The following IFT140 variants were observed in gnomAD, a reference collection of about 807,000 sequenced individuals.
The protein encoded by IFT140 is intraflagellar transport protein 140 homolog.
IFT140 carries 133 observed loss-of-function variants against 164.6 expected under a neutral mutation model. The observed-to-expected ratio is 0.81, with a 90% confidence interval of 0.70 to 0.93. The LOEUF (loss-of-function observed/expected upper bound fraction) is 0.93, where lower values mean the gene tolerates loss of function less well. IFT140 is among the 40% of genes least tolerant of loss of function. The pLI, the probability that IFT140 is intolerant of heterozygous loss-of-function variation, is 0.00. For synonymous variants in IFT140, 860 were observed against 817.3 expected (o/e 1.05, Z -0.89); for missense variants, 2,045 against 1,972.3 (o/e 1.04, Z -0.70).
intron 4 of IFT140, among the ~76,000 whole-genome samples, chr16:1,594,837 C>G (rs564986524): frequency 6.6e-6 from 1 of 152,230 alleles, no homozygotes; most frequent in Non-Finnish European, 1.5e-5. Flanking sequence ...CCCCAGGGGA[C>G]GCTTCCTGGC....
At chr16:1,543,047 T>C (rs768296697) in intron 19 of IFT140, among the ~76,000 whole-genome samples, 4 of 152,242 alleles carry the variant, frequency 2.6e-5, no homozygotes, top group Admixed American at 6.5e-5. Context: ...ACTGAGAGGT[T>C]TGAAGACTGT....
chr16:1,595,098 A>T (rs890135566), intron 4 of IFT140, among the ~76,000 whole-genome samples: 19 of 149,158 alleles, frequency 1.3e-4, no homozygotes, highest in Non-Finnish European at 1.5e-4. Flanking sequence ...CTCCTGGCTA[A>T]CACGGTGAAA....
At chr16:1,586,637 A>G (rs544739726) in intron 9 of IFT140, among the ~76,000 whole-genome samples, 1 of 152,262 alleles carries the variant, frequency 6.6e-6, no homozygotes, top group South Asian at 2.1e-4. Flanking sequence ...GCACACACAC[A>G]CACACACACA....
intron 19 of IFT140, among the ~76,000 whole-genome samples, chr16:1,537,332 T>G (rs1204132438): frequency 6.6e-6 from 1 of 152,242 alleles, no homozygotes; most frequent in Non-Finnish European, 1.5e-5. Context: ...GACGGCTCTG[T>G]GCCCTGAGGC....
chr16:1,600,827 C>G (rs191428112), intron 4 of IFT140, among the ~76,000 whole-genome samples: 1 of 151,734 alleles, frequency 6.6e-6, no homozygotes, highest in East Asian at 1.9e-4. Flanking sequence ...ACAAACACAG[C>G]CAACTTGAGT....
At chr16:1,563,175 T>C (rs989028250) in intron 17 of IFT140, among the ~76,000 whole-genome samples, 1 of 152,022 alleles carries the variant, frequency 6.6e-6, no homozygotes. Context: ...CCTCGGGCAG[T>C]GTCTTCCCCT....
Position 1,534,645 on chromosome 16 carries a change from G to A in IFT140, c.2400-7849C>T, listed in dbSNP as rs988719723. The stretch of plus-strand genomic sequence containing the variant: ...TAGGCGCGGACCTGGTGAGCGGGTG[G>A]GGAGGCCTGGCCCCTGCTCTGCCCT... On this transcript the variant is annotated intron_variant, in intron 19 of 30. Coordinates refer to ENST00000426508, the MANE Select transcript of IFT140 (RefSeq NM_014714.4). The A allele has an allele frequency of 7.0e-6, 11 of 1,565,254 alleles. No individual in the cohort carries two copies. In the African/African-American group the frequency reaches 1.3e-4, roughly 19 times the overall value.
Position 1,580,779 on chromosome 16 carries a change from C to T in IFT140, c.1504G>A (p.Val502Ile), listed in dbSNP as rs183261797. The change falls in exon 13 of 31, where the codon GTT becomes ATT. Residue 502 changes from valine (V) to isoleucine (I), a missense_variant. Val to Ile is a conservative substitution (Grantham distance 29, BLOSUM62 3). Coordinates refer to ENST00000426508, the MANE Select transcript of IFT140 (RefSeq NM_014714.4). ...CTTACCTGCCAGGTTCGAACTTGAA[C>T]TCGGTTTGACTCCACCGTGTAAACG... ...ENVYTVESNRVQVRTWQGTVK... is the reference protein window; with the variant it reads ...ENVYTVESNRIQVRTWQGTVK... 1.5e-5 allele frequency: 24 copies of T among 1,613,910 alleles called. No individual in the cohort carries two copies. The African/African-American group carries it at 2.5e-4, about 17-fold the overall frequency.
intron 16 of IFT140, 110 bp downstream of exon 16, chr16:1,566,051 C>G (rs929919902): frequency 8.4e-6 from 8 of 950,742 alleles, no homozygotes; most frequent in Admixed American, 2.1e-5. Context: ...CCTACTGGTG[C>G]CTGCTGGGGC....
intron 10 of IFT140, among the ~76,000 whole-genome samples, chr16:1,585,114 T>G (rs1472929278): frequency 6.6e-6 from 1 of 152,124 alleles, no homozygotes; most frequent in Non-Finnish European, 1.5e-5. Flanking sequence ...GCAGAGAAAT[T>G]AAAACATCCT....
intron 19 of IFT140, chr16:1,554,900 G>A: frequency 1.2e-6 from 2 of 1,614,256 alleles, no homozygotes; most frequent in South Asian, 1.1e-5. Context: ...CGGCAGCCAT[G>A]CTCATCTGGA....
rs112380464 is a variant in IFT140 at position 1,558,205 on chromosome 16, T to C, written c.2200-71A>G. 1.6e-5 allele frequency: 24 copies of C among 1,489,940 alleles called. No individual in the cohort carries two copies. The African/African-American group carries it at 2.8e-4, about 17-fold the overall frequency. 92.3% of individuals were successfully genotyped at this position (1,489,940 alleles called of 1,614,324 possible). Reference sequence around the variant, plus strand: ...TGAAGCCCTCACCCAGACCTCGTCCTCTGGATTTAGCTCCCTTATGGGGGA... The same window carrying C: ...TGAAGCCCTCACCCAGACCTCGTCCCCTGGATTTAGCTCCCTTATGGGGGA... On this transcript the variant is annotated intron_variant, in intron 18 of 30. Transcript: ENST00000426508.
In IFT140 at chr16:1,531,473, G is replaced by A. The variant is rs1277842450; in HGVS notation, c.2400-4677C>T. The A allele has an allele frequency of 6.6e-6, 1 of 152,268 alleles. No homozygotes were observed. The highest frequency in any genetic ancestry group is 1.9e-4 in the East Asian group (1 of 5,164). The allele number at this position is 152,268 out of a possible 1,614,324, so 9.4% of individuals were successfully genotyped here. ...TCTGCTGGGTATATGGGAGCCGCAG[G>A]CACATATGTGGGAGGGGGCAGTGGG... On this transcript the variant is annotated intron_variant, in intron 19 of 30. Transcript: ENST00000426508. This position sits in a 1 kb window ranked among gnomAD's most constrained non-coding sequence, Gnocchi z 4.7.
At chr16:1,581,382 A>G (rs1320860714) in intron 12 of IFT140, among the ~76,000 whole-genome samples, 1 of 152,076 alleles carries the variant, frequency 6.6e-6, no homozygotes, top group Admixed American at 6.5e-5. Context: ...GGTGGATCAC[A>G]TGAGGTCAGG....
At chr16:1,555,020 A>G (rs779051342) in intron 19 of IFT140, 4 of 1,608,814 alleles carry the variant, frequency 2.5e-6, no homozygotes, top group Non-Finnish European at 3.4e-6. Context: ...TGGAGTCACC[A>G]TGCTGAGTCG....
At chr16:1,514,906 G>A (rs1035170816) in intron 30 of IFT140, among the ~76,000 whole-genome samples, 2 of 151,972 alleles carry the variant, frequency 1.3e-5, no homozygotes, top group African/African-American at 2.4e-5. Context: ...AACAAATAGG[G>A]AATTTTAGCC....
chr16:1,602,191 C>T, intron 4 of IFT140, 179 bp downstream of exon 4: 4 of 625,148 alleles, frequency 6.4e-6, no homozygotes, highest in Non-Finnish European at 1.1e-5. Flanking sequence ...CACACCTTTG[C>T]CACAGAGTGG....
Position 1,602,503 on chromosome 16 carries a change from C to A in IFT140, c.236G>T (p.Gly79Val), listed in dbSNP as rs2035846752. The A allele has an allele frequency of 6.2e-7, 1 of 1,614,208 alleles. No individual in the cohort carries two copies. The highest frequency in any genetic ancestry group is 8.5e-7 in the Non-Finnish European group (1 of 1,180,044). Residue 79 changes from glycine to valine, a missense_variant, in exon 4 of 31, where the codon GGC becomes GTC. Transcript: ENST00000426508. ...CACCGTCACTTCTCCAGTCTCCCAGCCCACAGCCAGCACCAGCCGCGTCGG... is the reference window on the plus strand; with the variant it reads ...CACCGTCACTTCTCCAGTCTCCCAGACCACAGCCAGCACCAGCCGCGTCGG... ...WHPTRLVLAV[G>V]WETGEVTVFN...
At chr16:1,517,331 C>T (rs183513127) in intron 30 of IFT140, among the ~76,000 whole-genome samples, 27 of 136,886 alleles carry the variant, frequency 2.0e-4, no homozygotes, top group African/African-American at 6.3e-4. Context: ...GCCTGGGCAA[C>T]AGAGTGAGAC....
Sources: allele counts gnomAD v4.1 joint callset (sites outside exome capture counted in the v4.1 genomes callset), GRCh38; gene constraint gnomAD v4.1.1; non-coding constraint Gnocchi (gnomAD v3.1); transcripts MANE v1.5; gene names NCBI Gene and HGNC (gene_info 2026-07-23, HGNC 2026-07-21).